Variants in SYT16 observed in about 807,000 individuals in gnomAD.
SYT16 encodes synaptotagmin-16.
Under a neutral mutation model 61.4 loss-of-function variants are expected in SYT16, and 42 were observed. That is an observed-to-expected ratio of 0.68 (90% CI 0.53 to 0.89). The LOEUF (loss-of-function observed/expected upper bound fraction) is 0.89. Among genes scored for constraint, SYT16 ranks in the 40% least tolerant of loss-of-function variants. The probability of loss-of-function intolerance (pLI) is 0.00; values close to 1 mark genes in which losing one functional copy is unlikely to be tolerated. For missense variants in SYT16, 804 were observed against 807.3 expected (o/e 1.00, Z 0.05); for synonymous variants, 314 against 302.3 (o/e 1.04, Z -0.40).
chr14:62,053,154 A>G (rs957424915), intron 3 of SYT16, among the ~76,000 whole-genome samples: 8 of 152,212 alleles, frequency 5.3e-5, no homozygotes, highest in African/African-American at 1.9e-4. Context: ...CCCATCTTCT[A>G]AGAGAATACG....
intron 1 of SYT16, among the ~76,000 whole-genome samples, chr14:61,920,978 A>G (rs972298478): frequency 3.3e-5 from 5 of 152,220 alleles, no homozygotes; most frequent in Non-Finnish European, 7.3e-5. Flanking sequence ...AAAGAGCCTC[A>G]GCCTTCAGTA....
rs951366987 is a variant in SYT16, at chr14:62,067,511, C to T, written c.524-2092C>T. Among the ~76,000 whole-genome samples, 6 of 152,008 alleles carry T rather than the reference C, an allele frequency of 3.9e-5. No homozygotes were observed. The South Asian group carries it at 6.2e-4, about 16-fold the overall frequency. ...CTGTTGGAGAAACTGAAAGAGGGCCCGTGTGCTGGTATATCAAGGGTGTGG... is the reference window on the plus strand; with the variant it reads ...CTGTTGGAGAAACTGAAAGAGGGCCTGTGTGCTGGTATATCAAGGGTGTGG... On this transcript the variant is annotated intron_variant, in intron 3 of 7. Coordinates refer to ENST00000683842, the MANE Select transcript of SYT16 (RefSeq NM_001367656.1).
chr14:61,868,276 T>C (rs528298838), intron 1 of SYT16, among the ~76,000 whole-genome samples: 3 of 151,878 alleles, frequency 2.0e-5, no homozygotes. Context: ...AATTTTATTG[T>C]TTTTTCCAAA....
Position 62,039,869 on chromosome 14 carries a change from ACACACACACG to A in SYT16, c.524-29729_524-29720del, listed in dbSNP as rs1392752435. Among the ~76,000 whole-genome samples, 1,166 of 142,542 alleles carry A rather than the reference ACACACACACG, an allele frequency of 8.2e-3. 8 individuals are homozygous for A. Among genetic ancestry groups the A allele is most frequent in the Non-Finnish European group, 0.01 (681 of 64,918 alleles). The allele number at this position is 142,542 out of a possible 152,430, so 93.5% of individuals were successfully genotyped here. ...CACACACACACACACACACACACACACACACACACGCACATACACACTAGATTTTACTGAC... is the reference window on the plus strand; with the variant it reads ...CACACACACACACACACACACACACACACATACACACTAGATTTTACTGAC... On this transcript the variant is annotated intron_variant, in intron 3 of 7. Coordinates refer to ENST00000683842, the MANE Select transcript of SYT16 (RefSeq NM_001367656.1).
intron 1 of SYT16, among the ~76,000 whole-genome samples, chr14:61,862,269 G>T (rs1594778358): frequency 2.0e-5 from 3 of 152,218 alleles, no homozygotes; most frequent in South Asian, 2.1e-4. Flanking sequence ...ATTGCAGTCA[G>T]TCTCCTCTCC....
chr14:61,850,142 T>A (rs542686505), intron 1 of SYT16, among the ~76,000 whole-genome samples: 52 of 150,194 alleles, frequency 3.5e-4, no homozygotes, highest in Non-Finnish European at 7.1e-4. Context: ...TTCTTTTTCT[T>A]TTTTTTTTTG....
intron 2 of SYT16, among the ~76,000 whole-genome samples, chr14:61,974,086 T>G (rs2051679977): frequency 1.3e-5 from 2 of 152,018 alleles, no homozygotes; most frequent in Admixed American, 1.3e-4. Flanking sequence ...AATATACTGG[T>G]GGTGCCGGAG....
intron 1 of SYT16, among the ~76,000 whole-genome samples, chr14:61,869,473 AC>A (rs1241479476): frequency 6.6e-6 from 1 of 152,168 alleles, no homozygotes; most frequent in African/African-American, 2.4e-5. Context: ...AAATTTATCA[AC>A]ATCTACTTTC....
At chr14:62,048,472 T>C (rs569631581) in intron 3 of SYT16, among the ~76,000 whole-genome samples, 22 of 152,274 alleles carry the variant, frequency 1.4e-4, no homozygotes, top group East Asian at 5.8e-4. Context: ...GTGTCTCTAT[T>C]TCCTTCAGTT....
At chr14:62,086,105 A>G (rs1041956604) in intron 7 of SYT16, among the ~76,000 whole-genome samples, 16 of 152,194 alleles carry the variant, frequency 1.1e-4, no homozygotes, top group African/African-American at 3.9e-4. Context: ...GGAGAGGTAC[A>G]TCATCGTGCT....
chr14:61,944,836 T>A (rs868417812), intron 1 of SYT16, among the ~76,000 whole-genome samples: 1 of 152,232 alleles, frequency 6.6e-6, no homozygotes, highest in Non-Finnish European at 1.5e-5. Flanking sequence ...GGCCAAAGAC[T>A]TCAAGACTAA....
chr14:62,110,109 C>T lies in SYT16; in HGVS notation c.*9402C>T, dbSNP rs529374294. 6.6e-6 allele frequency: 1 copy of T among 152,198 alleles called. No homozygotes were observed. Among genetic ancestry groups the T allele is most frequent in the East Asian group, 1.9e-4 (1 of 5,184 alleles). The allele number at this position is 152,198 out of a possible 1,614,324, so 9.4% of individuals were successfully genotyped here. On this transcript the variant is annotated 3_prime_UTR_variant, in exon 8 of 8. Coordinates refer to ENST00000683842, the MANE Select transcript of SYT16 (RefSeq NM_001367656.1). ...CTTCTGACTGCCCTTTGCTTTGTAG[C>T]TACAGCAACTTGCAGAACCTGGCAT...
At chr14:61,991,330 T>TTGTGTGTGTGTGTGTG (rs71117861) in intron 2 of SYT16, among the ~76,000 whole-genome samples, 45 of 146,478 alleles carry the variant, frequency 3.1e-4, no homozygotes, top group African/African-American at 1.0e-3. Context: ...TGTTTTTCAT[T>TTGTGTGTGTGTGTGTG]TGTGTGTGTG....
chr14:61,840,662 G>A (rs17099262), intron 1 of SYT16, among the ~76,000 whole-genome samples: 24,239 of 151,990 alleles, frequency 0.16, 2,167 homozygotes, highest in African/African-American at 0.25. Flanking sequence ...TAGGGAGTGA[G>A]CAAATCTTTA....
chr14:61,886,069 A>G (rs1384125036), intron 1 of SYT16, among the ~76,000 whole-genome samples: 1 of 149,934 alleles, frequency 6.7e-6, no homozygotes. Flanking sequence ...GGTTCATGCC[A>G]TTCTCCTGCC....
chr14:62,039,855 A>G (rs1020272702), intron 3 of SYT16, among the ~76,000 whole-genome samples: 2 of 134,756 alleles, frequency 1.5e-5, no homozygotes, highest in African/African-American at 5.4e-5. Flanking sequence ...ACACACACAC[A>G]CACACACACA....
At position 62,109,428 on chromosome 14, in the gene SYT16, G is replaced by A. The variant is rs1214822728; in HGVS notation, c.*8721G>A. On this transcript the variant is annotated 3_prime_UTR_variant, in exon 8 of 8. Coordinates refer to ENST00000683842, the MANE Select transcript of SYT16 (RefSeq NM_001367656.1). The stretch of plus-strand genomic sequence containing the variant: ...TATGACCTATTTGCTCTTATTTCTA[G>A]TTCCAGTTGCTATGGCAAATTTTAT... 1 of 151,414 alleles carries A rather than the reference G, an allele frequency of 6.6e-6. No individual in the cohort carries two copies. The highest frequency in any genetic ancestry group is 1.5e-5 in the Non-Finnish European group (1 of 67,954). The allele number at this position is 151,414 out of a possible 1,614,324, so 9.4% of individuals were successfully genotyped here.
chr14:62,067,103 CATGTG>C (rs1364360551), intron 3 of SYT16, among the ~76,000 whole-genome samples: 2 of 145,146 alleles, frequency 1.4e-5, no homozygotes, highest in African/African-American at 5.2e-5. Context: ...CGTGTGTGTG[CATGTG>C]TGTGTGTGTG....
intron 1 of SYT16, among the ~76,000 whole-genome samples, chr14:61,900,781 G>C (rs2140357168): frequency 6.6e-6 from 1 of 152,270 alleles, no homozygotes; most frequent in Non-Finnish European, 1.5e-5. Context: ...GGGAGGGCCT[G>C]TTTGGCTTGG....
Sources: gnomAD v4.1 joint callset for allele counts (sites outside exome capture counted in the v4.1 genomes callset) on GRCh38, gnomAD v4.1.1 for gene constraint, MANE v1.5 for transcripts, NCBI Gene and HGNC (gene_info 2026-07-23, HGNC 2026-07-21) for gene names.